ILF2: variants seen among roughly 807,000 people sequenced by gnomAD.
ILF2 encodes interleukin enhancer-binding factor 2.
In ILF2, 9 loss-of-function variants were observed where a neutral mutation model predicts 55.3. That is an observed-to-expected ratio of 0.16 (90% CI 0.10 to 0.28). The LOEUF is 0.28. ILF2 is among the 10% of genes least tolerant of loss of function. The pLI is 1.00. For synonymous variants in ILF2, 151 were observed against 161.8 expected, an observed-to-expected ratio of 0.93 and a Z score of 0.50; for missense variants, 266 against 474.9, an observed-to-expected ratio of 0.56 and a Z score of 4.09.
Position 153,662,254 on chromosome 1 carries a change from G to A in ILF2, c.*142C>T. On this transcript the variant is annotated 3_prime_UTR_variant, in exon 14 of 14. Coordinates refer to ENST00000361891, the MANE Select transcript of ILF2 (RefSeq NM_004515.4). ...AGCTAAGCCAATATCAAAACCCAGT[G>A]GAATGACACTTCTATGGAGTTTACT... is the stretch of plus-strand genomic sequence containing the variant. The A allele has an allele frequency of 9.6e-7, 1 of 1,039,046 alleles. No homozygotes were observed. The highest frequency in any genetic ancestry group is 2.4e-5 in the East Asian group (1 of 41,786). The allele number at this position is 1,039,046 out of a possible 1,614,324, so 64.4% of individuals were successfully genotyped here. A position where few individuals can be genotyped will look rare whatever the true frequency, so the allele number is the denominator to read the frequency against.
In ILF2 at chr1:153,670,976, T is replaced by A; in HGVS notation, c.-54A>T. The A allele has an allele frequency of 1.2e-6, 2 of 1,612,826 alleles. No homozygotes were observed. The highest frequency in any genetic ancestry group is 8.5e-7 in the Non-Finnish European group (1 of 1,178,812). On this transcript the variant is annotated 5_prime_UTR_variant, in exon 1 of 14. Coordinates refer to ENST00000361891, the MANE Select transcript of ILF2 (RefSeq NM_004515.4). The stretch of plus-strand genomic sequence containing the variant: ...CGCACCAACCGCCCCTTCCTCTGAG[T>A]AGCAGACAACTGAAGAGGCGTCTTG...
chr1:153,664,746 CG>C (rs1669265542), intron 8 of ILF2, among the ~76,000 whole-genome samples: 1 of 152,192 alleles, frequency 6.6e-6, no homozygotes, highest in African/African-American at 2.4e-5. Flanking sequence ...TTAGTAGAGA[CG>C]GGGTTTCATC....
intron 10 of ILF2, 46 bp downstream of exon 10, chr1:153,663,997 A>G (rs535918946): frequency 2.1e-6 from 2 of 968,882 alleles, no homozygotes; most frequent in African/African-American, 1.6e-5. Flanking sequence ...TACTACTACT[A>G]GTAAATAAGG....
At chr1:153,662,644 G>A in intron 13 of ILF2, 61 bp downstream of exon 13, 10 of 1,555,954 alleles carry the variant, frequency 6.4e-6, no homozygotes, top group Non-Finnish European at 8.9e-6. Flanking sequence ...CATTTAAGTA[G>A]TGTACAGCTT....
At position 153,663,210 on chromosome 1, in the gene ILF2, T is replaced by G; in HGVS notation, c.806+5A>C. On this transcript the variant is annotated splice_donor_5th_base_variant and intron_variant, in intron 11 of 13. Coordinates refer to ENST00000361891, the MANE Select transcript of ILF2 (RefSeq NM_004515.4). The stretch of plus-strand genomic sequence containing the variant: ...AACCAACCCTAAACCCAAAGCATGC[T>G]GTACCTGTATGCAACGTTTAGGGCC... 1 of 1,613,794 alleles carries G rather than the reference T, an allele frequency of 6.2e-7. No individual in the cohort carries two copies. The highest frequency in any genetic ancestry group is 8.5e-7 in the Non-Finnish European group (1 of 1,179,678).
At position 153,664,072 on chromosome 1, in the gene ILF2, G is replaced by C. The variant is rs1452500438; in HGVS notation, c.715C>G (p.Pro239Ala). 1.9e-6 allele frequency: 3 copies of C among 1,613,310 alleles called. No homozygotes were observed. Among genetic ancestry groups the C allele is most frequent in the Non-Finnish European group, 2.5e-6 (3 of 1,179,416 alleles). The change falls in exon 10 of 14, where the codon CCC (proline) becomes GCC (alanine). Residue 239 changes from proline (P) to alanine (A), a missense_variant. By Grantham distance (27) the Pro-to-Ala change is conservative. Transcript: ENST00000361891. Reference protein sequence around the residue: ...DLRIRFPGFEPLTPWILDLLG... With the variant: ...DLRIRFPGFEALTPWILDLLG... ...AGGTCAAGGATCCAGGGTGTGAGGG[G>C]CTCAAAGCCAGGAAAACGAATCCTC...
At position 153,668,401 on chromosome 1, in the gene ILF2, A is replaced by G; in HGVS notation, c.213+52T>C. On this transcript the variant is annotated intron_variant, in intron 4 of 13. Coordinates refer to ENST00000361891, the MANE Select transcript of ILF2 (RefSeq NM_004515.4). ...CCTTACCAACAGTTACTCTTTACCAATACTTTTAACTGCTTTAGAGACATT... is the reference window on the plus strand; with the variant it reads ...CCTTACCAACAGTTACTCTTTACCAGTACTTTTAACTGCTTTAGAGACATT... 3 of 1,606,830 alleles carry G rather than the reference A, an allele frequency of 1.9e-6. No individual in the cohort carries two copies. The African/African-American group carries it at 4.0e-5, about 21-fold the overall frequency.
chr1:153,670,758 C>A (rs1407781859), intron 1 of ILF2, among the ~76,000 whole-genome samples, 160 bp downstream of exon 1: 3 of 152,188 alleles, frequency 2.0e-5, no homozygotes, highest in Non-Finnish European at 4.4e-5. Context: ...CCCGCCTCTA[C>A]CGGCCTCCAT....
At chr1:153,665,371 C>T in intron 7 of ILF2, 35 bp from the exon 8 acceptor site, 1 of 1,356,662 alleles carries the variant, frequency 7.4e-7, no homozygotes, top group Non-Finnish European at 1.1e-6. Context: ...CTATAACTCA[C>T]ATTTCCATTA....
chr1:153,669,428 A>T (rs978175732), intron 3 of ILF2, among the ~76,000 whole-genome samples: 2 of 152,144 alleles, frequency 1.3e-5, no homozygotes, highest in African/African-American at 4.8e-5. Context: ...ATGTAAAGCA[A>T]CACACAGTTG....
At chr1:153,666,844 G>C (rs1669320381) in intron 6 of ILF2, among the ~76,000 whole-genome samples, 1 of 152,244 alleles carries the variant, frequency 6.6e-6, no homozygotes, top group East Asian at 1.9e-4. Flanking sequence ...TTGTCAGGCA[G>C]GGTGCAGTGG....
intron 6 of ILF2, among the ~76,000 whole-genome samples, chr1:153,666,967 G>T (rs758344204): frequency 6.6e-6 from 1 of 151,806 alleles, no homozygotes; most frequent in East Asian, 1.9e-4. Flanking sequence ...ACTAAAAATA[G>T]AAAAATTAGC....
At chr1:153,662,641 G>A in intron 13 of ILF2, 64 bp downstream of exon 13, 2 of 1,562,992 alleles carry the variant, frequency 1.3e-6, no homozygotes, top group Non-Finnish European at 1.8e-6. Flanking sequence ...AGACATTTAA[G>A]TAGTGTACAG....
At chr1:153,669,629 C>T (rs953987157) in intron 3 of ILF2, among the ~76,000 whole-genome samples, 1 of 151,996 alleles carries the variant, frequency 6.6e-6, no homozygotes, top group Non-Finnish European at 1.5e-5. Context: ...TTAGTAGAGA[C>T]GGGGTTTCAC....
chr1:153,664,194 G>T, intron 9 of ILF2, 64 bp from the exon 10 acceptor site: 1 of 1,091,312 alleles, frequency 9.2e-7, no homozygotes, highest in South Asian at 1.3e-5. Context: ...GCCTAAGGTA[G>T]AATTGAAGCT....
chr1:153,665,438 C>T lies in ILF2; in HGVS notation c.461-102G>A, dbSNP rs1037216243. On this transcript the variant is annotated intron_variant, in intron 7 of 13. Coordinates refer to ENST00000361891, the MANE Select transcript of ILF2 (RefSeq NM_004515.4). ...AACAGGTGGATTTTTTAAAACAGCA[C>T]AAAGTCCAGAATGAGAATTTAGAAT... 23 of 833,480 alleles carry T rather than the reference C, an allele frequency of 2.8e-5. No homozygotes were observed. The African/African-American group carries it at 3.6e-4, about 13-fold the overall frequency. 51.6% of individuals were successfully genotyped at this position (833,480 alleles called of 1,614,324 possible). A position where few individuals can be genotyped will look rare whatever the true frequency, so the allele number is the denominator to read the frequency against.
intron 3 of ILF2, among the ~76,000 whole-genome samples, chr1:153,669,143 A>T (rs1009076481): frequency 3.9e-5 from 6 of 152,056 alleles, no homozygotes; most frequent in Admixed American, 3.9e-4. Context: ...CTGGAGGCAG[A>T]GGTCCTGATT....
At position 153,662,765 on chromosome 1, in the gene ILF2, C is replaced by G; in HGVS notation, c.952G>C (p.Val318Leu). 2 of 1,614,108 alleles carry G rather than the reference C, an allele frequency of 1.2e-6. No individual in the cohort carries two copies. Among genetic ancestry groups the G allele is most frequent in the Non-Finnish European group, 1.7e-6 (2 of 1,180,008 alleles). ...DMVCYTAQTL[V>L]RILSHGGFRK... ...AAGCCACCATGTGAGAGGATTCGGACGAGAGTCTGAGCTGTATAGCAGACC... is the reference window on the plus strand; with the variant it reads ...AAGCCACCATGTGAGAGGATTCGGAGGAGAGTCTGAGCTGTATAGCAGACC... Residue 318 changes from valine to leucine, a missense_variant, in exon 13 of 14, where the codon GTC (valine) becomes CTC (leucine). Coordinates refer to ENST00000361891, the MANE Select transcript of ILF2 (RefSeq NM_004515.4).
At chr1:153,668,226 G>T in intron 4 of ILF2, 149 bp from the exon 5 acceptor site, 1 of 786,334 alleles carries the variant, frequency 1.3e-6, no homozygotes. Context: ...TTGAATATAT[G>T]GGAAGAGAAC....
Sources: gnomAD v4.1 joint callset for allele counts (sites outside exome capture counted in the v4.1 genomes callset) on GRCh38, gnomAD v4.1.1 for gene constraint, MANE v1.5 for transcripts, NCBI Gene and HGNC (gene_info 2026-07-23, HGNC 2026-07-21) for gene names.